The following TFDP2 variants were observed in gnomAD, a reference collection of about 807,000 sequenced individuals.
The protein encoded by TFDP2 is transcription factor Dp-2 (E2F dimerization partner 2).
Under a neutral mutation model 59.3 loss-of-function variants are expected in TFDP2, and 17 were observed. The observed-to-expected ratio is 0.29, with a 90% CI of 0.20 to 0.43. The LOEUF is 0.43. Among genes scored for constraint, TFDP2 ranks in the 20% least tolerant of loss-of-function variants. TFDP2 has a pLI of 1.00. For synonymous variants in TFDP2, 180 were observed against 194.7 expected, an observed-to-expected ratio of 0.92 and a Z score of 0.63; for missense variants, 391 against 528.8, an observed-to-expected ratio of 0.74 and a Z score of 2.56.
rs371530632 is a variant in TFDP2, at chr3:142,026,932, C to T, written c.83-21388G>A. 2.6e-4 allele frequency among the ~76,000 whole-genome samples: 40 copies of T among 152,282 alleles called. No homozygotes were observed. The South Asian group carries it at 8.1e-3, about 31-fold the overall frequency. On this transcript the variant is annotated intron_variant, in intron 3 of 12. Coordinates refer to ENST00000489671, the MANE Select transcript of TFDP2 (RefSeq NM_001178139.2). Reference sequence around the variant, plus strand: ...CATTTCAATTAAACCCAAAATATTACTCCCATATTTCTTATGCAAAGGTCT... The same window carrying T: ...CATTTCAATTAAACCCAAAATATTATTCCCATATTTCTTATGCAAAGGTCT...
intron 4 of TFDP2, among the ~76,000 whole-genome samples, chr3:142,004,406 C>A (rs1227890664): frequency 6.6e-6 from 1 of 152,106 alleles, no homozygotes; most frequent in Non-Finnish European, 1.5e-5. Flanking sequence ...TAAAATTTAT[C>A]CTTATTGCTC....
In TFDP2 at chr3:141,974,777, G is replaced by A. The variant is rs183945202; in HGVS notation, c.520-586C>T. Among the ~76,000 whole-genome samples, 66 of 152,120 alleles carry A rather than the reference G, an allele frequency of 4.3e-4. 1 individual carries two copies. Among genetic ancestry groups the A allele is most frequent in the Middle Eastern group, 6.8e-3 (2 of 294 alleles). ...TGGGTAAAACTGTGCTTCTCAAAAT[G>A]TGTTCCTTGACCACTGCTGATCTGC... On this transcript the variant is annotated intron_variant, in intron 7 of 12. Transcript: ENST00000489671.
chr3:142,051,959 C>T (rs1340128441), intron 3 of TFDP2, among the ~76,000 whole-genome samples: 2 of 151,874 alleles, frequency 1.3e-5, no homozygotes, highest in Non-Finnish European at 2.9e-5. Flanking sequence ...GACCTCATCT[C>T]TACAAAAAAT....
chr3:142,107,512 G>A (rs1576999945), intron 1 of TFDP2, among the ~76,000 whole-genome samples: 1 of 152,202 alleles, frequency 6.6e-6, no homozygotes, highest in South Asian at 2.1e-4. Context: ...GATTACAGGT[G>A]TGAGCCACCG....
At chr3:142,143,162 G>A (rs1174230556) in intron 1 of TFDP2, among the ~76,000 whole-genome samples, 1 of 152,170 alleles carries the variant, frequency 6.6e-6, no homozygotes, top group Non-Finnish European at 1.5e-5. Flanking sequence ...CTTGAACCTG[G>A]GAGGCTGAGG....
Position 142,052,264 on chromosome 3 carries a change from G to A in TFDP2, c.82+40797C>T, listed in dbSNP as rs541463850. Reference sequence around the variant, plus strand: ...GAGAAAACCTTAGTATTGGCCGTGCGCGGTGGCTCACGCCTATAATCCCAG... The same window carrying A: ...GAGAAAACCTTAGTATTGGCCGTGCACGGTGGCTCACGCCTATAATCCCAG... On this transcript the variant is annotated intron_variant, in intron 3 of 12. Coordinates refer to ENST00000489671, the MANE Select transcript of TFDP2 (RefSeq NM_001178139.2). Among the ~76,000 whole-genome samples the A allele has an allele frequency of 5.3e-5, 8 of 152,056 alleles. No individual in the cohort carries two copies. The East Asian group carries it at 5.8e-4, about 11-fold the overall frequency.
chr3:142,095,935 CT>C (rs1441708858), intron 2 of TFDP2, among the ~76,000 whole-genome samples: 2 of 152,072 alleles, frequency 1.3e-5, no homozygotes, highest in Non-Finnish European at 2.9e-5. Flanking sequence ...CAGTTTATAC[CT>C]TTTTGTTATT....
At chr3:142,009,532 C>T (rs1576682088) in intron 3 of TFDP2, among the ~76,000 whole-genome samples, 2 of 151,778 alleles carry the variant, frequency 1.3e-5, no homozygotes, top group Admixed American at 6.6e-5. Context: ...GCCAACATGG[C>T]GAAACCCTGT....
At chr3:141,976,779 A>G (rs11569226) in intron 7 of TFDP2, among the ~76,000 whole-genome samples, 11,262 of 151,944 alleles carry the variant, frequency 0.074, 515 homozygotes, top group Non-Finnish European at 0.11. Flanking sequence ...AGAATGCTAT[A>G]GACTTTTTTT....
intron 1 of TFDP2, among the ~76,000 whole-genome samples, chr3:142,115,817 G>A (rs2061836613): frequency 1.3e-5 from 2 of 152,078 alleles, no homozygotes; most frequent in South Asian, 4.1e-4. Flanking sequence ...TTTGTATCTT[G>A]ATTGTGGTGG....
chr3:141,998,865 C>T (rs182082165), intron 4 of TFDP2, among the ~76,000 whole-genome samples: 81 of 152,130 alleles, frequency 5.3e-4, no homozygotes, highest in Non-Finnish European at 7.9e-4. Flanking sequence ...TTATGTGCTA[C>T]TGCCATCTAC....
chr3:142,045,612 C>CTT (rs10587862), intron 3 of TFDP2, among the ~76,000 whole-genome samples: 1 of 131,996 alleles, frequency 7.6e-6, no homozygotes, highest in South Asian at 2.5e-4. Context: ...TATTATTTGA[C>CTT]TTTTTTTTTT....
At chr3:142,069,585 G>A (rs2060176472) in intron 3 of TFDP2, among the ~76,000 whole-genome samples, 1 of 151,560 alleles carries the variant, frequency 6.6e-6, no homozygotes, top group African/African-American at 2.4e-5. Flanking sequence ...TGACAAGAGT[G>A]TTTTTGTCAA....
chr3:142,027,944 G>A (rs930255534), intron 3 of TFDP2, among the ~76,000 whole-genome samples: 1 of 152,104 alleles, frequency 6.6e-6, no homozygotes, highest in Non-Finnish European at 1.5e-5. Context: ...CCATAAAGCA[G>A]TGGAATGCAC....
At chr3:142,098,070 C>T (rs561876580) in intron 2 of TFDP2, among the ~76,000 whole-genome samples, 1 of 152,202 alleles carries the variant, frequency 6.6e-6, no homozygotes, top group South Asian at 2.1e-4. Flanking sequence ...GGATTACAGG[C>T]GTGAGCCATC....
At chr3:142,113,973 T>G (rs1219343242) in intron 1 of TFDP2, among the ~76,000 whole-genome samples, 3 of 151,892 alleles carry the variant, frequency 2.0e-5, no homozygotes, top group Non-Finnish European at 4.4e-5. Flanking sequence ...GATCATCCTG[T>G]CTAACACGGT....
At chr3:142,131,793 G>A (rs1461619883) in intron 1 of TFDP2, among the ~76,000 whole-genome samples, 1 of 149,852 alleles carries the variant, frequency 6.7e-6, no homozygotes, top group Non-Finnish European at 1.5e-5. Context: ...ACCACCTGAG[G>A]TCAGGAGTTC....
intron 3 of TFDP2, among the ~76,000 whole-genome samples, chr3:142,058,618 C>G (rs970813522): frequency 6.6e-6 from 1 of 152,106 alleles, no homozygotes; most frequent in Non-Finnish European, 1.5e-5. Context: ...CTTACTATTA[C>G]TGGTTTGTTT....
intron 6 of TFDP2, among the ~76,000 whole-genome samples, chr3:141,980,573 C>G (rs1941377253): frequency 6.6e-6 from 1 of 152,076 alleles, no homozygotes; most frequent in Non-Finnish European, 1.5e-5. Context: ...GAAAGAGTCT[C>G]ACTCTATCCC....
Sources: gnomAD v4.1 joint callset for allele counts (sites outside exome capture counted in the v4.1 genomes callset) on GRCh38, gnomAD v4.1.1 for gene constraint, MANE v1.5 for transcripts, NCBI Gene and HGNC (gene_info 2026-07-23, HGNC 2026-07-21) for gene names.